Variants in ZFPM1 observed in about 807,000 individuals in gnomAD.
The protein encoded by ZFPM1 is zinc finger protein, FOG family member 1.
In ZFPM1, 28 loss-of-function variants were observed where a neutral mutation model predicts 46.3. The observed-to-expected ratio is 0.60, with a 90% CI of 0.45 to 0.83. ZFPM1 has a LOEUF of 0.83. Among genes scored for constraint, ZFPM1 ranks in the 40% least tolerant of loss-of-function variants. The pLI, the probability that ZFPM1 is intolerant of heterozygous loss-of-function variation, is 0.00. For missense variants in ZFPM1, 1,878 were observed against 1,432.4 expected, an observed-to-expected ratio of 1.31 and a Z score of -5.02; for synonymous variants, 957 against 675.9, an observed-to-expected ratio of 1.42 and a Z score of -6.45.
chr16:88,455,159 G>GTC (rs1907485789), intron 1 of ZFPM1, among the ~76,000 whole-genome samples: 2 of 151,920 alleles, frequency 1.3e-5, no homozygotes, highest in African/African-American at 4.8e-5. Flanking sequence ...GTGTGTGTGT[G>GTC]TGTGTGTGTG....
intron 3 of ZFPM1, among the ~76,000 whole-genome samples, chr16:88,492,217 C>G (rs1368184698): frequency 1.3e-5 from 2 of 152,006 alleles, no homozygotes; most frequent in Non-Finnish European, 2.9e-5. Context: ...CTCTCCATGC[C>G]TCTCTCCCTC....
chr16:88,519,089 GCTGA>G (rs1418871063), intron 4 of ZFPM1, among the ~76,000 whole-genome samples: 1 of 122,618 alleles, frequency 8.2e-6, no homozygotes, highest in Non-Finnish European at 1.8e-5. Context: ...TGGATGGATG[GCTGA>G]GAGTGTGGGT....
chr16:88,514,630 G>A, intron 4 of ZFPM1, 110 bp downstream of exon 4: 10 of 1,348,306 alleles, frequency 7.4e-6, no homozygotes, highest in Admixed American at 5.3e-5. Context: ...GCCACTTGAA[G>A]ATGTGGGCCT....
intron 1 of ZFPM1, among the ~76,000 whole-genome samples, chr16:88,475,335 G>A (rs891081498): frequency 5.3e-5 from 8 of 152,224 alleles, no homozygotes; most frequent in African/African-American, 9.6e-5. Flanking sequence ...AGGAGCGCAC[G>A]CGATGGGAGG....
intron 4 of ZFPM1, among the ~76,000 whole-genome samples, chr16:88,518,868 A>G (rs1383700001): frequency 7.0e-6 from 1 of 143,556 alleles, no homozygotes; most frequent in African/African-American, 2.6e-5. Context: ...GGTTGGGTGG[A>G]TGGATAGATG....
chr16:88,496,915 G>A (rs1909962258), intron 3 of ZFPM1, among the ~76,000 whole-genome samples: 2 of 152,122 alleles, frequency 1.3e-5, no homozygotes, highest in African/African-American at 4.8e-5. Context: ...AGGTGGCTTC[G>A]CCACAGCGGT....
chr16:88,491,805 G>T (rs1420458633), intron 3 of ZFPM1, among the ~76,000 whole-genome samples: 1 of 152,220 alleles, frequency 6.6e-6, no homozygotes, highest in Non-Finnish European at 1.5e-5. Flanking sequence ...ATACGCGGCC[G>T]CTGGCCAACC....
intron 6 of ZFPM1, chr16:88,530,420 G>A (rs1410629407): frequency 6.6e-6 from 1 of 151,468 alleles, no homozygotes; most frequent in East Asian, 2.0e-4. Context: ...ACCACCGTGA[G>A]CCACACATCT....
At chr16:88,454,856 G>C (rs1459860363) in intron 1 of ZFPM1, among the ~76,000 whole-genome samples, 2 of 152,158 alleles carry the variant, frequency 1.3e-5, no homozygotes, top group Non-Finnish European at 1.5e-5. Context: ...GTAGGCGCCC[G>C]GGCACTACCT....
intron 4 of ZFPM1, chr16:88,516,333 A>G (rs1240118277): frequency 2.5e-6 from 1 of 397,690 alleles, no homozygotes; most frequent in African/African-American, 2.1e-5. Context: ...CTCCGCATTT[A>G]GTCCTGCTCT....
chr16:88,525,962 T>C (rs1397497775), intron 4 of ZFPM1, among the ~76,000 whole-genome samples: 2 of 152,248 alleles, frequency 1.3e-5, no homozygotes, highest in Non-Finnish European at 2.9e-5. Context: ...CCCGAGGCAC[T>C]GGCATGAGCT....
intron 6 of ZFPM1, among the ~76,000 whole-genome samples, chr16:88,530,280 A>G (rs1011414053): frequency 2.0e-5 from 3 of 152,016 alleles, no homozygotes; most frequent in Admixed American, 2.0e-4. Flanking sequence ...GCCTGCGGAG[A>G]CCACCTCCCA....
chr16:88,521,121 C>CATGG (rs1259767797), intron 4 of ZFPM1, among the ~76,000 whole-genome samples: 4 of 149,472 alleles, frequency 2.7e-5, no homozygotes, highest in African/African-American at 2.5e-5. Flanking sequence ...TGGATGGATG[C>CATGG]ATGGATGGAT....
At chr16:88,475,223 G>T (rs1172869567) in intron 1 of ZFPM1, among the ~76,000 whole-genome samples, 1 of 152,266 alleles carries the variant, frequency 6.6e-6, no homozygotes, top group Non-Finnish European at 1.5e-5. Context: ...GGGGTGTCGA[G>T]GGTGCCCTGG....
intron 4 of ZFPM1, among the ~76,000 whole-genome samples, chr16:88,525,164 C>T (rs773189797): frequency 4.6e-5 from 7 of 152,240 alleles, no homozygotes; most frequent in African/African-American, 1.4e-4. Flanking sequence ...TCCCTGCATA[C>T]GGGTCTGGTC....
chr16:88,455,075 C>T (rs1194410680), intron 1 of ZFPM1, among the ~76,000 whole-genome samples: 1 of 152,142 alleles, frequency 6.6e-6, no homozygotes, highest in African/African-American at 2.4e-5. Context: ...TCCCGATCCG[C>T]GCTTGTGCTC....
At chr16:88,464,391 G>T (rs1908035870) in intron 1 of ZFPM1, among the ~76,000 whole-genome samples, 1 of 152,238 alleles carries the variant, frequency 6.6e-6, no homozygotes, top group Non-Finnish European at 1.5e-5. Flanking sequence ...CCCAAGGCAG[G>T]AGGACGGGGT....
chr16:88,457,706 G>T (rs971695351), intron 1 of ZFPM1, among the ~76,000 whole-genome samples: 10 of 151,750 alleles, frequency 6.6e-5, no homozygotes, highest in African/African-American at 2.4e-4. Context: ...GCCCAGGCTG[G>T]TCTTGAACTC....
In ZFPM1 at chr16:88,469,653, CCTG is replaced by C. The variant is rs1908321498; in HGVS notation, c.40+15976_40+15978del. On this transcript the variant is annotated intron_variant, in intron 1 of 9. Transcript: ENST00000319555. The surrounding 1 kb of genome is among the most constrained non-coding windows in gnomAD (Gnocchi z 4.3). ...ACCAGGATGAGGCAGGCTCCGCCGG[CCTG>C]AGACCTGGCTGGAGGCCCTGTCAGC... Among the ~76,000 whole-genome samples the C allele has an allele frequency of 6.6e-6, 1 of 152,222 alleles. No homozygotes were observed. Among genetic ancestry groups the C allele is most frequent in the African/African-American group, 2.4e-5 (1 of 41,458 alleles).
Sources: gnomAD v4.1 joint callset for allele counts (sites outside exome capture counted in the v4.1 genomes callset) on GRCh38, gnomAD v4.1.1 for gene constraint, Gnocchi (gnomAD v3.1) non-coding constraint, MANE v1.5 for transcripts, NCBI Gene and HGNC (gene_info 2026-07-23, HGNC 2026-07-21) for gene names.